Variants in DCC observed in about 807,000 individuals in gnomAD.
DCC encodes the protein DCC netrin 1 receptor.
A neutral mutation model predicts 172.5 loss-of-function variants in DCC; 58 were observed. The observed-to-expected ratio is 0.34, with a 90% CI of 0.27 to 0.42. The LOEUF is 0.42. DCC is among the 10% of genes least tolerant of loss of function. The pLI is 1.00. For synonymous variants in DCC, 709 were observed against 644.5 expected, an observed-to-expected ratio of 1.10 and a Z score of -1.52; for missense variants, 1,740 against 1,791.0, an observed-to-expected ratio of 0.97 and a Z score of 0.51.
intron 2 of DCC, among the ~76,000 whole-genome samples, chr18:52,829,769 A>C (rs2038579958): frequency 6.6e-6 from 1 of 152,168 alleles, no homozygotes; most frequent in African/African-American, 2.4e-5. Flanking sequence ...ATAGTAGAGA[A>C]CACAACAGAC....
rs145478397 is a variant in DCC at position 52,778,175 on chromosome 18, C to T, written c.412+25801C>T. On this transcript the variant is annotated intron_variant, in intron 2 of 28. Transcript: ENST00000442544. ...AAGGAAGAAATACACTATGTAGAGACGTGAAAGAAGCTGCAAGTAAAGTTT... is the reference window on the plus strand; with the variant it reads ...AAGGAAGAAATACACTATGTAGAGATGTGAAAGAAGCTGCAAGTAAAGTTT... 8.3e-3 allele frequency among the ~76,000 whole-genome samples: 1,258 copies of T among 152,158 alleles called. 16 individuals are homozygous for T. Among genetic ancestry groups the T allele is most frequent in the Middle Eastern group, 0.014 (4 of 294 alleles).
At chr18:53,407,570 C>CTA (rs1909745782) in intron 19 of DCC, among the ~76,000 whole-genome samples, 4 of 118,144 alleles carry the variant, frequency 3.4e-5, no homozygotes, top group South Asian at 2.9e-4. Context: ...CTATTACTCT[C>CTA]TCTCTATATA....
At chr18:52,616,240 G>A (rs1453624186) in intron 1 of DCC, among the ~76,000 whole-genome samples, 1 of 151,924 alleles carries the variant, frequency 6.6e-6, no homozygotes, top group Admixed American at 6.6e-5. Context: ...AGTCTCTGCT[G>A]GTCTGTGACA....
At chr18:53,122,758 G>A (rs1402514392) in intron 7 of DCC, among the ~76,000 whole-genome samples, 1 of 152,068 alleles carries the variant, frequency 6.6e-6, no homozygotes, top group Non-Finnish European at 1.5e-5. Context: ...TGCAGAAGTA[G>A]ATAGAAGGAA....
chr18:52,794,422 A>T (rs541715323), intron 2 of DCC, among the ~76,000 whole-genome samples: 1 of 152,076 alleles, frequency 6.6e-6, no homozygotes, highest in Non-Finnish European at 1.5e-5. Context: ...TATAAATGAG[A>T]TCACGTCCTT....
At chr18:52,599,855 G>T (rs1281092997) in intron 1 of DCC, among the ~76,000 whole-genome samples, 2 of 152,086 alleles carry the variant, frequency 1.3e-5, no homozygotes, top group Non-Finnish European at 2.9e-5. Context: ...ATCTTAGCTT[G>T]ATAACCATAT....
intron 5 of DCC, among the ~76,000 whole-genome samples, chr18:52,963,661 A>G (rs553004893): frequency 6.6e-6 from 1 of 152,188 alleles, no homozygotes; most frequent in South Asian, 2.1e-4. Context: ...GCACAGGGAA[A>G]AATACCTTGA....
intron 7 of DCC, among the ~76,000 whole-genome samples, chr18:53,128,862 CACACACACAT>C (rs1408404132): frequency 0.013 from 1,089 of 80,878 alleles, 9 homozygotes; most frequent in African/African-American, 0.045. Context: ...CACACACACA[CACACACACAT>C]ATATATATAT....
At chr18:53,157,840 G>T (rs1275789485) in intron 8 of DCC, among the ~76,000 whole-genome samples, 3 of 152,142 alleles carry the variant, frequency 2.0e-5, no homozygotes, top group Non-Finnish European at 4.4e-5. Flanking sequence ...CACTACTGTG[G>T]CTAGCTTGTA....
chr18:52,559,511 C>A (rs1364180691), intron 1 of DCC, among the ~76,000 whole-genome samples: 5 of 152,140 alleles, frequency 3.3e-5, no homozygotes, highest in Non-Finnish European at 7.4e-5. Context: ...ATCCAGACAG[C>A]CACAAGGCTT....
At chr18:53,520,282 T>C (rs2144589757) in intron 27 of DCC, among the ~76,000 whole-genome samples, 1 of 152,232 alleles carries the variant, frequency 6.6e-6, no homozygotes, top group South Asian at 2.1e-4. Context: ...TCCAGTATCC[T>C]GTTTGGATTG....
At chr18:52,620,988 A>G (rs185478908) in intron 1 of DCC, among the ~76,000 whole-genome samples, 1 of 152,118 alleles carries the variant, frequency 6.6e-6, no homozygotes, top group South Asian at 2.1e-4. Context: ...TTCATATTTG[A>G]GTGCTGGTCA....
chr18:53,234,669 T>C (rs1169601296), intron 12 of DCC, among the ~76,000 whole-genome samples: 1 of 152,066 alleles, frequency 6.6e-6, no homozygotes, highest in Non-Finnish European at 1.5e-5. Context: ...CACATCCAAA[T>C]CCCTTGGCAA....
intron 2 of DCC, among the ~76,000 whole-genome samples, chr18:52,792,858 C>A (rs1568107202): frequency 1.1e-5 from 1 of 94,506 alleles, no homozygotes; most frequent in Non-Finnish European, 2.4e-5. Context: ...CCATTCCATT[C>A]GGGTTGATTC....
At chr18:53,362,597 A>G (rs138498006) in intron 15 of DCC, among the ~76,000 whole-genome samples, 63 of 152,314 alleles carry the variant, frequency 4.1e-4, no homozygotes, top group South Asian at 8.3e-4. Flanking sequence ...TTATTTTTAA[A>G]GCAAGTATCT....
At position 53,464,216 on chromosome 18, in the gene DCC, T is replaced by C. The variant is rs2045591926; in HGVS notation, c.3620-3678T>C. ...TTAGTTTCTTGAAATGGATTTATCC[T>C]AGTCTAATTTCACTACAGAAGCACC... On this transcript the variant is annotated intron_variant, in intron 24 of 28. Coordinates refer to ENST00000442544, the MANE Select transcript of DCC (RefSeq NM_005215.4). 2.0e-5 allele frequency among the ~76,000 whole-genome samples: 3 copies of C among 152,338 alleles called. No individual in the cohort carries two copies. The East Asian group carries it at 5.8e-4, about 29-fold the overall frequency.
intron 5 of DCC, among the ~76,000 whole-genome samples, chr18:53,029,601 G>A (rs938141991): frequency 6.3e-4 from 76 of 121,290 alleles, no homozygotes; most frequent in Non-Finnish European, 3.6e-4. Flanking sequence ...TAACTTGAAG[G>A]CAGATTCTAT....
Position 53,451,630 on chromosome 18 carries a change from C to T in DCC, c.3392+968C>T, listed in dbSNP as rs951655832. 2.6e-5 allele frequency among the ~76,000 whole-genome samples: 4 copies of T among 152,116 alleles called. No individual in the cohort carries two copies. The South Asian group carries it at 8.3e-4, about 32-fold the overall frequency. On this transcript the variant is annotated intron_variant, in intron 23 of 28. Coordinates refer to ENST00000442544, the MANE Select transcript of DCC (RefSeq NM_005215.4). ...ATGGGTTCATAGGTGGCTGGTTTGACAACTGTGTACTTTACACTTTGCTAG... is the reference window on the plus strand; with the variant it reads ...ATGGGTTCATAGGTGGCTGGTTTGATAACTGTGTACTTTACACTTTGCTAG...
intron 7 of DCC, among the ~76,000 whole-genome samples, chr18:53,127,450 T>C (rs2043579992): frequency 6.6e-6 from 1 of 152,096 alleles, no homozygotes; most frequent in African/African-American, 2.4e-5. Context: ...ATTGCCGGTG[T>C]TCTCCCAGTC....
Sources: allele counts gnomAD v4.1 joint callset (sites outside exome capture counted in the v4.1 genomes callset), GRCh38; gene constraint gnomAD v4.1.1; transcripts MANE v1.5; gene names NCBI Gene and HGNC (gene_info 2026-07-23, HGNC 2026-07-21).